NKAIN2: variants seen among roughly 807,000 people sequenced by gnomAD.
NKAIN2 encodes sodium/potassium transporting ATPase interacting 2.
In NKAIN2, 14 loss-of-function variants were observed where a neutral mutation model predicts 32.6. The ratio of observed to expected loss-of-function variants is 0.43; its 90% CI spans 0.28 to 0.67. NKAIN2 has a LOEUF of 0.67. Among genes scored for constraint, NKAIN2 ranks in the 30% least tolerant of loss-of-function variants. NKAIN2 has a pLI of 0.17. For missense variants in NKAIN2, 198 were observed against 258.3 expected (o/e 0.77, Z 1.60); for synonymous variants, 80 against 87.2 (o/e 0.92, Z 0.46).
chr6:124,770,367 T>C (rs1252176666), intron 4 of NKAIN2, among the ~76,000 whole-genome samples: 2 of 152,100 alleles, frequency 1.3e-5, no homozygotes, highest in Non-Finnish European at 2.9e-5. Flanking sequence ...CATTTCAGCC[T>C]TTCTGAAAAA....
At chr6:123,986,544 C>G (rs1582887628) in intron 1 of NKAIN2, among the ~76,000 whole-genome samples, 1 of 152,256 alleles carries the variant, frequency 6.6e-6, no homozygotes, top group South Asian at 2.1e-4. Context: ...TATGAGCCGA[C>G]TCTGTATCTG....
intron 1 of NKAIN2, among the ~76,000 whole-genome samples, chr6:124,225,498 T>A (rs2114712452): frequency 6.6e-6 from 1 of 152,114 alleles, no homozygotes; most frequent in South Asian, 2.1e-4. Flanking sequence ...AGGAAGTCTT[T>A]CAGAATTGGT....
At chr6:124,283,360 T>A (rs900018021) in intron 2 of NKAIN2, 6 of 347,904 alleles carry the variant, frequency 1.7e-5, no homozygotes, top group Non-Finnish European at 3.1e-5. Flanking sequence ...GACTGAATTC[T>A]CATAATTTGT....
At chr6:124,561,566 G>A (rs1162686477) in intron 3 of NKAIN2, among the ~76,000 whole-genome samples, 1 of 152,154 alleles carries the variant, frequency 6.6e-6, no homozygotes, top group Non-Finnish European at 1.5e-5. Context: ...GACTTAATGA[G>A]AGGAAGATCG....
At chr6:124,367,437 T>A (rs918868132) in intron 3 of NKAIN2, among the ~76,000 whole-genome samples, 4 of 152,122 alleles carry the variant, frequency 2.6e-5, no homozygotes, top group Non-Finnish European at 5.9e-5. Flanking sequence ...GATAATGAGG[T>A]CTACATCTCT....
intron 1 of NKAIN2, among the ~76,000 whole-genome samples, chr6:124,222,782 C>T (rs897175564): frequency 9.2e-5 from 14 of 152,102 alleles, no homozygotes; most frequent in African/African-American, 2.7e-4. Flanking sequence ...AGAATCAATG[C>T]GTCTCTTGCT....
chr6:124,080,595 C>T (rs1478073997), intron 1 of NKAIN2, among the ~76,000 whole-genome samples: 1 of 151,930 alleles, frequency 6.6e-6, no homozygotes, highest in Admixed American at 6.6e-5. Context: ...GACCAAAAAA[C>T]ATTGTACCAA....
intron 3 of NKAIN2, among the ~76,000 whole-genome samples, chr6:124,362,847 T>C (rs1799348836): frequency 6.6e-6 from 1 of 152,120 alleles, no homozygotes. Context: ...TTATTATTAT[T>C]TTTTTGAGAT....
At chr6:123,933,367 CAG>C (rs994800680) in intron 1 of NKAIN2, among the ~76,000 whole-genome samples, 1 of 152,080 alleles carries the variant, frequency 6.6e-6, no homozygotes, top group Non-Finnish European at 1.5e-5. Context: ...TTTGCATAAA[CAG>C]TAATGTTACA....
At chr6:123,962,852 C>T (rs1777908101) in intron 1 of NKAIN2, among the ~76,000 whole-genome samples, 1 of 152,302 alleles carries the variant, frequency 6.6e-6, no homozygotes, top group Admixed American at 6.5e-5. Context: ...TAGGCTTACT[C>T]CTGCCCAGAG....
At chr6:124,654,187 AAATG>A (rs1784459495) in intron 3 of NKAIN2, among the ~76,000 whole-genome samples, 1 of 152,184 alleles carries the variant, frequency 6.6e-6, no homozygotes, top group East Asian at 1.9e-4. Context: ...CAGTTATAAA[AAATG>A]AAAGTGGTTG....
intron 3 of NKAIN2, among the ~76,000 whole-genome samples, chr6:124,516,642 C>T (rs1778926433): frequency 2.6e-5 from 4 of 152,102 alleles, no homozygotes; most frequent in African/African-American, 9.7e-5. Flanking sequence ...CTCAGCATTC[C>T]AAGGTTGTGT....
intron 1 of NKAIN2, among the ~76,000 whole-genome samples, chr6:124,120,862 C>A (rs77540617): frequency 0.046 from 7,042 of 152,064 alleles, 550 homozygotes; most frequent in African/African-American, 0.16. Context: ...ATAAGATTTA[C>A]AAAGAAGAGG....
At chr6:124,759,212 T>G (rs1778105026) in intron 4 of NKAIN2, among the ~76,000 whole-genome samples, 1 of 152,112 alleles carries the variant, frequency 6.6e-6, no homozygotes, top group Admixed American at 6.6e-5. Flanking sequence ...AATCTTGTTT[T>G]CCACAAAGAC....
intron 5 of NKAIN2, among the ~76,000 whole-genome samples, chr6:124,799,916 C>T (rs1344090149): frequency 6.6e-6 from 1 of 152,158 alleles, no homozygotes; most frequent in East Asian, 1.9e-4. Flanking sequence ...CCATCTCTCT[C>T]TACCTTCTCA....
chr6:124,285,751 T>A (rs1231673329), intron 2 of NKAIN2, among the ~76,000 whole-genome samples: 1 of 152,112 alleles, frequency 6.6e-6, no homozygotes, highest in Non-Finnish European at 1.5e-5. Context: ...AACTTTCTAC[T>A]CCTCAAAAAC....
chr6:124,250,706 A>C (rs867369705), intron 1 of NKAIN2, among the ~76,000 whole-genome samples: 1 of 152,082 alleles, frequency 6.6e-6, no homozygotes, highest in African/African-American at 2.4e-5. Flanking sequence ...GCTTCACATA[A>C]AAGGAATATG....
intron 3 of NKAIN2, among the ~76,000 whole-genome samples, chr6:124,622,981 T>C (rs1025982954): frequency 2.0e-5 from 3 of 152,280 alleles, no homozygotes; most frequent in East Asian, 1.9e-4. Context: ...GTACTCATTT[T>C]GGGCCACAGG....
intron 1 of NKAIN2, among the ~76,000 whole-genome samples, chr6:124,040,494 A>G (rs969534601): frequency 6.6e-6 from 1 of 151,908 alleles, no homozygotes; most frequent in Admixed American, 6.6e-5. Flanking sequence ...CCTCTTTGTC[A>G]TAATTACCTC....
Sources: allele counts gnomAD v4.1 joint callset (sites outside exome capture counted in the v4.1 genomes callset), GRCh38; gene constraint gnomAD v4.1.1; transcripts MANE v1.5; gene names NCBI Gene and HGNC (gene_info 2026-07-23, HGNC 2026-07-21).